RGL1: variants seen among roughly 807,000 people sequenced by gnomAD.
RGL1 encodes ral guanine nucleotide dissociation stimulator like 1, also known as ral guanine nucleotide dissociation stimulator-like 1.
RGL1 carries 24 observed loss-of-function variants against 95.2 expected under a neutral mutation model. The observed-to-expected ratio is 0.25, with a 90% CI of 0.18 to 0.35. The LOEUF is 0.35. RGL1 is among the 10% of genes least tolerant of loss of function. RGL1 has a pLI of 1.00. For synonymous variants in RGL1, 329 were observed against 344.9 expected (o/e 0.95, Z 0.51); for missense variants, 715 against 936.3 (o/e 0.76, Z 3.08).
chr1:183,803,901 G>A (rs1030812176), upstream of RGL1, among the ~76,000 whole-genome samples: 7 of 152,118 alleles, frequency 4.6e-5, no homozygotes, highest in Non-Finnish European at 1.0e-4. Context: ...TTTTTCGTTC[G>A]TTTGTTTTTT....
chr1:183,754,405 T>C (rs1213621834), intron 2 of RGL1: 1 of 152,204 alleles, frequency 6.6e-6, no homozygotes, highest in Non-Finnish European at 1.5e-5. Context: ...ACAAATACAG[T>C]ATAAAATTTA....
At chr1:183,817,346 GCA>G (rs1455685583) in intron 2 of RGL1, among the ~76,000 whole-genome samples, 15 of 152,308 alleles carry the variant, frequency 9.8e-5, no homozygotes, top group African/African-American at 3.4e-4. Flanking sequence ...CCTGTTAGGA[GCA>G]CAGTTTTAAA....
intron 2 of RGL1, among the ~76,000 whole-genome samples, chr1:183,747,871 C>T (rs186519412): frequency 1.3e-5 from 2 of 152,292 alleles, no homozygotes; most frequent in African/African-American, 4.8e-5. Context: ...GGAGGAGTCC[C>T]TCTTTTTCTA....
chr1:183,696,526 A>T (rs369022841), intron 1 of RGL1, among the ~76,000 whole-genome samples: 2 of 152,146 alleles, frequency 1.3e-5, no homozygotes, highest in East Asian at 3.9e-4. Context: ...GCCTCAATCC[A>T]CAAACATTAG....
At chr1:183,758,444 G>A (rs891779384) in intron 2 of RGL1, among the ~76,000 whole-genome samples, 1 of 152,050 alleles carries the variant, frequency 6.6e-6, no homozygotes, top group East Asian at 1.9e-4. Context: ...TGATCCACCC[G>A]CCTTGGCCTC....
intron 1 of RGL1, among the ~76,000 whole-genome samples, chr1:183,642,700 C>G (rs1650008630): frequency 6.6e-6 from 1 of 152,060 alleles, no homozygotes; most frequent in African/African-American, 2.4e-5. Context: ...AGCCTGATTT[C>G]TAATATTTAG....
chr1:183,649,384 G>C (rs1465693543), intron 1 of RGL1, among the ~76,000 whole-genome samples: 1 of 152,166 alleles, frequency 6.6e-6, no homozygotes, highest in Non-Finnish European at 1.5e-5. Context: ...TTTTGTTCAT[G>C]ATCTTTCTTC....
intron 1 of RGL1, among the ~76,000 whole-genome samples, chr1:183,665,416 G>T (rs1197399274): frequency 6.6e-6 from 1 of 152,142 alleles, no homozygotes; most frequent in African/African-American, 2.4e-5. Flanking sequence ...GAGTTAGTAA[G>T]TCTTTCACTT....
intron 2 of RGL1, among the ~76,000 whole-genome samples, chr1:183,762,349 T>A (rs902620055): frequency 6.6e-6 from 1 of 152,158 alleles, no homozygotes; most frequent in Non-Finnish European, 1.5e-5. Flanking sequence ...CTGATTTCAA[T>A]ATTGTCATGT....
At chr1:183,914,496 A>C (rs1219391556) in intron 15 of RGL1, among the ~76,000 whole-genome samples, 1 of 152,102 alleles carries the variant, frequency 6.6e-6, no homozygotes, top group Admixed American at 6.6e-5. Flanking sequence ...ACATAGCTGG[A>C]CTGAGCTGAC....
chr1:183,772,184 G>GC (rs1314195283), intron 2 of RGL1, among the ~76,000 whole-genome samples: 1 of 152,222 alleles, frequency 6.6e-6, no homozygotes, highest in Non-Finnish European at 1.5e-5. Flanking sequence ...GATACAGAAA[G>GC]CCGTCTGTTC....
At chr1:183,858,598 A>G (rs1366998265) in intron 3 of RGL1, among the ~76,000 whole-genome samples, 1 of 152,218 alleles carries the variant, frequency 6.6e-6, no homozygotes, top group Admixed American at 6.5e-5. Flanking sequence ...GGTTTTAGAA[A>G]GTATCTTGGG....
chr1:183,741,577 A>G (rs1383474465), intron 1 of RGL1, among the ~76,000 whole-genome samples: 1 of 152,246 alleles, frequency 6.6e-6, no homozygotes, highest in African/African-American at 2.4e-5. Context: ...GTTGTAATAC[A>G]TCATATTGTT....
chr1:183,694,521 A>G (rs773967257), intron 1 of RGL1, among the ~76,000 whole-genome samples: 1 of 152,170 alleles, frequency 6.6e-6, no homozygotes, highest in Non-Finnish European at 1.5e-5. Context: ...CCTAGTCACA[A>G]CCCTTGCTAT....
intron 15 of RGL1, 50 bp downstream of exon 15, chr1:183,912,318 C>G: frequency 6.9e-7 from 1 of 1,445,590 alleles, no homozygotes; most frequent in Non-Finnish European, 9.6e-7. Flanking sequence ...CCTACATGCT[C>G]TTTGCCACAC....
chr1:183,813,885 C>T (rs1254981913), intron 2 of RGL1, among the ~76,000 whole-genome samples: 1 of 152,222 alleles, frequency 6.6e-6, no homozygotes, highest in Admixed American at 6.5e-5. Flanking sequence ...CTCACTCACT[C>T]TCTCACTTAA....
chr1:183,666,744 C>T (rs1652066648), intron 1 of RGL1, among the ~76,000 whole-genome samples: 1 of 152,184 alleles, frequency 6.6e-6, no homozygotes, highest in Non-Finnish European at 1.5e-5. Flanking sequence ...TATTCATTTA[C>T]ATCTGTGAAG....
intron 2 of RGL1, among the ~76,000 whole-genome samples, chr1:183,774,856 G>A (rs1659509148): frequency 6.6e-6 from 1 of 152,038 alleles, no homozygotes; most frequent in Non-Finnish European, 1.5e-5. Flanking sequence ...TTACAGATGT[G>A]AGCCACCACG....
chr1:183,740,938 A>G (rs1387633120), intron 1 of RGL1, among the ~76,000 whole-genome samples: 1 of 152,214 alleles, frequency 6.6e-6, no homozygotes, highest in African/African-American at 2.4e-5. Context: ...AAAGCAAATA[A>G]ATATAATAAA....
Sources: allele counts gnomAD v4.1 joint callset (sites outside exome capture counted in the v4.1 genomes callset), GRCh38; gene constraint gnomAD v4.1.1; transcripts MANE v1.5; gene names NCBI Gene and HGNC (gene_info 2026-07-23, HGNC 2026-07-21).